GALNT18: variants seen among roughly 807,000 people sequenced by gnomAD.
GALNT18 encodes the protein polypeptide N-acetylgalactosaminyltransferase 18.
GALNT18 carries 44 observed loss-of-function variants against 69.5 expected under a neutral mutation model. The observed-to-expected ratio is 0.63, with a 90% confidence interval of 0.50 to 0.81. The LOEUF (loss-of-function observed/expected upper bound fraction) is 0.81. Ranked by LOEUF, GALNT18 falls within the 40% of genes least tolerant of loss-of-function variation. The probability of loss-of-function intolerance (pLI) is 0.00; values close to 1 mark genes in which losing one functional copy is unlikely to be tolerated. For synonymous variants in GALNT18, 364 were observed against 318.2 expected (o/e 1.14, Z -1.53); for missense variants, 715 against 810.0 (o/e 0.88, Z 1.42).
At chr11:11,457,017 C>T (rs1239447454) in intron 1 of GALNT18, among the ~76,000 whole-genome samples, 2 of 152,184 alleles carry the variant, frequency 1.3e-5, no homozygotes, top group East Asian at 1.9e-4. Context: ...CAGCTCTGAG[C>T]GTTGTGCATG....
intron 2 of GALNT18, among the ~76,000 whole-genome samples, chr11:11,446,509 C>T (rs1855656707): frequency 6.6e-6 from 1 of 152,266 alleles, no homozygotes; most frequent in South Asian, 2.1e-4. Context: ...CTGTGTGCTG[C>T]CCCCACCAGA....
intron 6 of GALNT18, among the ~76,000 whole-genome samples, chr11:11,353,674 A>T (rs1468043063): frequency 6.6e-6 from 1 of 152,196 alleles, no homozygotes. Context: ...TCCCAGTCAG[A>T]TTCAAATTGG....
intron 3 of GALNT18, among the ~76,000 whole-genome samples, chr11:11,418,608 C>A (rs117626440): frequency 6.6e-6 from 1 of 152,194 alleles, no homozygotes; most frequent in Non-Finnish European, 1.5e-5. Context: ...GCACTCAGCA[C>A]TTTGCTTTGT....
At position 11,620,749 on chromosome 11, in the gene GALNT18, C is replaced by A. The variant is rs1030536729; in HGVS notation, c.235+610G>T. Among the ~76,000 whole-genome samples the A allele has an allele frequency of 6.6e-6, 1 of 152,146 alleles. No individual in the cohort carries two copies. Among genetic ancestry groups the A allele is most frequent in the Non-Finnish European group, 1.5e-5 (1 of 68,016 alleles). On this transcript the variant is annotated intron_variant, in intron 1 of 10. Transcript: ENST00000227756. The surrounding 1 kb of genome is among the most constrained non-coding windows in gnomAD (Gnocchi z 6.9). ...CCGCGGGCTGTGGTGGGGGTAGGGA[C>A]TGCTATAGGTTCAAGCGGCTTTTCA...
intron 3 of GALNT18, among the ~76,000 whole-genome samples, chr11:11,420,603 G>A (rs1416891932): frequency 6.6e-6 from 1 of 152,230 alleles, no homozygotes; most frequent in East Asian, 1.9e-4. Context: ...GAAAGCAGAA[G>A]GAGGACCCTG....
rs1196554819 is a variant in GALNT18 at position 11,415,177 on chromosome 11, C to T, written c.595+17444G>A. ...CCCTTCTGCCATCAGCTAGAGAACA[C>T]TCTGCTTTCAGAAGGTTCATGTGAT... On this transcript the variant is annotated intron_variant, in intron 3 of 10. Coordinates refer to ENST00000227756, the MANE Select transcript of GALNT18 (RefSeq NM_198516.3). This position sits in a 1 kb window ranked among gnomAD's most constrained non-coding sequence, Gnocchi z 4.1. Among the ~76,000 whole-genome samples, 1 of 152,208 alleles carries T rather than the reference C, an allele frequency of 6.6e-6. No individual in the cohort carries two copies. Among genetic ancestry groups the T allele is most frequent in the East Asian group, 1.9e-4 (1 of 5,198 alleles).
At chr11:11,544,378 C>T (rs2133960246) in intron 1 of GALNT18, among the ~76,000 whole-genome samples, 1 of 152,362 alleles carries the variant, frequency 6.6e-6, no homozygotes, top group African/African-American at 2.4e-5. Context: ...TGTGCTAGTT[C>T]TGTGCCAGTC....
chr11:11,400,467 T>C (rs140792605), intron 3 of GALNT18, among the ~76,000 whole-genome samples: 1 of 152,354 alleles, frequency 6.6e-6, no homozygotes, highest in Non-Finnish European at 1.5e-5. Flanking sequence ...AGAGAATGTA[T>C]GCCCTGTCTA....
chr11:11,448,838 C>T lies in GALNT18; in HGVS notation c.334G>A (p.Val112Met), dbSNP rs747627683. ...TAGTACTGGAATTGCTTCAGGGCCA[C>T]GCGCCGGCCTTCGGGGCTGAGCTCC... The part of the protein sequence containing the change: ...GQELSPEGRR[V>M]ALKQFQYYGY... The change falls in exon 2 of 11, where the codon GTG becomes ATG. Residue 112 changes from valine to methionine, a missense_variant. By Grantham distance (21) the Val-to-Met change is conservative. Transcript: ENST00000227756. 1.3e-5 allele frequency: 21 copies of T among 1,612,488 alleles called. No individual in the cohort carries two copies. Among genetic ancestry groups the T allele is most frequent in the South Asian group, 2.2e-5 (2 of 90,776 alleles).
In GALNT18 at chr11:11,372,507, C is replaced by G; in HGVS notation, c.1092+8G>C. 2 of 1,606,818 alleles carry G rather than the reference C, an allele frequency of 1.2e-6. No individual in the cohort carries two copies. Among genetic ancestry groups the G allele is most frequent in the Non-Finnish European group, 1.7e-6 (2 of 1,173,300 alleles). ...AGCCGAGCAGTTTGAGTGAGAAACCCCACTCACCCTGATCCCAAGCTCCAC... is the reference window on the plus strand; with the variant it reads ...AGCCGAGCAGTTTGAGTGAGAAACCGCACTCACCCTGATCCCAAGCTCCAC... On this transcript the variant is annotated splice_region_variant and intron_variant, in intron 6 of 10. Transcript: ENST00000227756. This position sits in a 1 kb window ranked among gnomAD's most constrained non-coding sequence, Gnocchi z 4.9.
chr11:11,491,577 A>G (rs752304169), intron 1 of GALNT18, among the ~76,000 whole-genome samples: 3 of 152,192 alleles, frequency 2.0e-5, no homozygotes, highest in Non-Finnish European at 4.4e-5. Context: ...AAACCTCCCT[A>G]TGGATTTGGT....
intron 9 of GALNT18, among the ~76,000 whole-genome samples, chr11:11,306,153 T>C (rs7926800): frequency 0.63 from 96,246 of 152,050 alleles, 30,986 homozygotes; most frequent in Admixed American, 0.76. Flanking sequence ...ACAGTTATTC[T>C]GCACAGCATT....
At chr11:11,316,249 C>T (rs958588420) in intron 9 of GALNT18, among the ~76,000 whole-genome samples, 3 of 152,110 alleles carry the variant, frequency 2.0e-5, no homozygotes, top group African/African-American at 7.2e-5. Flanking sequence ...GCACAGCCAC[C>T]CAGCGCCTGG....
intron 10 of GALNT18, among the ~76,000 whole-genome samples, chr11:11,284,316 GAGTT>G (rs1450752798): frequency 2.0e-5 from 3 of 152,206 alleles, no homozygotes; most frequent in South Asian, 4.1e-4. Context: ...TGGAATGTAA[GAGTT>G]AGAGTCACCT....
intron 1 of GALNT18, among the ~76,000 whole-genome samples, chr11:11,525,466 G>A (rs12801103): frequency 0.21 from 32,453 of 151,850 alleles, 4,141 homozygotes; most frequent in Non-Finnish European, 0.27. Flanking sequence ...TGGCGAAATC[G>A]GTAAGACTTG....
intron 2 of GALNT18, among the ~76,000 whole-genome samples, chr11:11,443,394 C>G (rs1296263604): frequency 1.3e-5 from 2 of 152,164 alleles, no homozygotes; most frequent in African/African-American, 4.8e-5. Flanking sequence ...CACTTACACA[C>G]AGTAAAATGC....
chr11:11,427,250 C>T (rs1251974758), intron 3 of GALNT18, among the ~76,000 whole-genome samples: 2 of 152,176 alleles, frequency 1.3e-5, no homozygotes, highest in Admixed American at 6.5e-5. Context: ...ACTTACAGAG[C>T]CTTCAGTCCC....
At chr11:11,379,387 T>G in intron 3 of GALNT18, 123 bp from the exon 4 acceptor site, 1 of 920,324 alleles carries the variant, frequency 1.1e-6, no homozygotes. Flanking sequence ...TTCCCCTCCC[T>G]GGGTCTTCTT....
chr11:11,373,587 C>A (rs1369537502), intron 5 of GALNT18, among the ~76,000 whole-genome samples: 1 of 152,182 alleles, frequency 6.6e-6, no homozygotes, highest in Non-Finnish European at 1.5e-5. Flanking sequence ...AGGTACATGG[C>A]CTGGGTCTGG....
Sources: gnomAD v4.1 joint callset for allele counts (sites outside exome capture counted in the v4.1 genomes callset) on GRCh38, gnomAD v4.1.1 for gene constraint, Gnocchi (gnomAD v3.1) non-coding constraint, MANE v1.5 for transcripts, NCBI Gene and HGNC (gene_info 2026-07-23, HGNC 2026-07-21) for gene names.